COMMD6: variants seen among roughly 807,000 people sequenced by gnomAD.
COMMD6 encodes the protein COMM domain containing 6, also known as COMM domain-containing protein 6.
COMMD6 carries 11 observed loss-of-function variants against 13.4 expected under a neutral mutation model. The ratio of observed to expected loss-of-function variants is 0.82; its 90% CI spans 0.52 to 1.36. The LOEUF (loss-of-function observed/expected upper bound fraction) is 1.36, where lower values mean the gene tolerates loss of function less well. COMMD6 is among the 40% of genes most tolerant of loss of function. The pLI is 0.00. For missense variants in COMMD6, 124 were observed against 102.4 expected (o/e 1.21, Z -0.91); for synonymous variants, 43 against 36.5 (o/e 1.18, Z -0.64).
chr13:75,546,333 T>C (rs1021179916), intron 1 of COMMD6, among the ~76,000 whole-genome samples: 80 of 152,176 alleles, frequency 5.3e-4, no homozygotes, highest in African/African-American at 1.8e-3. Context: ...AGTAACCAAA[T>C]AATTTACAAT....
At chr13:75,532,513 C>T (rs1047407343) in intron 2 of COMMD6, among the ~76,000 whole-genome samples, 3 of 152,146 alleles carry the variant, frequency 2.0e-5, no homozygotes, top group African/African-American at 7.2e-5. Context: ...TGAAAAGAGT[C>T]GAAATTTGGT....
upstream of COMMD6, among the ~76,000 whole-genome samples, chr13:75,543,104 C>T (rs9543971): frequency 0.5 from 76,507 of 152,052 alleles, 20,485 homozygotes; most frequent in East Asian, 0.65. Flanking sequence ...TACATGTTCT[C>T]ACTTATAAGT....
At chr13:75,546,863 G>A in intron 1 of COMMD6, among the ~76,000 whole-genome samples, 1 of 152,174 alleles carries the variant, frequency 6.6e-6, no homozygotes, top group East Asian at 1.9e-4. Flanking sequence ...AAGTTGCCGT[G>A]AACACTGAAT....
At chr13:75,530,524 C>T (rs781026905) in intron 2 of COMMD6, 179 of 267,088 alleles carry the variant, frequency 6.7e-4, no homozygotes, top group Non-Finnish European at 1.1e-3. Flanking sequence ...AAAAATCTCC[C>T]CTCCAATGTA....
rs1352997289 is a variant in COMMD6 at position 75,526,205 on chromosome 13, A to T, written c.*384T>A. ...AATACTACTTTTCTAATTTATATAT[A>T]TTTTTATATACATGACTCCAAATAA... On this transcript the variant is annotated 3_prime_UTR_variant, in exon 4 of 4. Transcript: ENST00000682242. 1 of 155,106 alleles carries T rather than the reference A, an allele frequency of 6.4e-6. No homozygotes were observed. The highest frequency in any genetic ancestry group is 2.4e-5 in the African/African-American group (1 of 41,562). The allele number at this position is 155,106 out of a possible 1,614,324, so 9.6% of individuals were successfully genotyped here.
At chr13:75,536,466 G>A (rs1370426766) in intron 2 of COMMD6, among the ~76,000 whole-genome samples, 1 of 152,210 alleles carries the variant, frequency 6.6e-6, no homozygotes, top group African/African-American at 2.4e-5. Context: ...TGGTAGATGT[G>A]ACAAAATTAA....
At chr13:75,535,125 T>A (rs375747095) in intron 2 of COMMD6, among the ~76,000 whole-genome samples, 136 of 149,084 alleles carry the variant, frequency 9.1e-4, no homozygotes, top group African/African-American at 3.1e-3. Context: ...GAGACTCGAA[T>A]AAAATGAAGA....
chr13:75,531,908 C>T (rs575237775), intron 2 of COMMD6, among the ~76,000 whole-genome samples: 10 of 152,108 alleles, frequency 6.6e-5, no homozygotes, highest in Non-Finnish European at 1.2e-4. Context: ...TGAAAATGTC[C>T]CCAGCAGCTT....
At chr13:75,539,068 C>T (rs969525729), upstream of COMMD6, among the ~76,000 whole-genome samples, 1 of 152,150 alleles carries the variant, frequency 6.6e-6, no homozygotes, top group Non-Finnish European at 1.5e-5. Context: ...AAGGGCAGGT[C>T]AAGTCCTCCT....
upstream of COMMD6, chr13:75,537,876 C>T: frequency 6.7e-7 from 1 of 1,487,126 alleles, no homozygotes; most frequent in South Asian, 1.3e-5. Flanking sequence ...CTTCCACGTC[C>T]TGCCCCTAGC....
chr13:75,536,543 A>G (rs56084319), intron 2 of COMMD6, among the ~76,000 whole-genome samples: 16,333 of 152,178 alleles, frequency 0.11, 1,105 homozygotes, highest in East Asian at 0.26. Context: ...AAGGGTCCTT[A>G]TAAGAGGGAG....
Position 75,526,636 on chromosome 13 carries a change from A to C in COMMD6, c.211T>G (p.Phe71Val). The change falls in exon 4 of 4, where the codon TTC becomes GTC. Residue 71 changes from phenylalanine to valine, a missense_variant. Coordinates refer to ENST00000682242, the MANE Select transcript of COMMD6 (RefSeq NM_203495.4). ...FEMTIPQFQN[F>V]YRQFKEIAAV... Reference sequence around the variant, plus strand: ...GCAATTTCCTTGAACTGTCTGTAGAAATTCTGGAGAGAAAGGGGGAAAATA... The same window carrying C: ...GCAATTTCCTTGAACTGTCTGTAGACATTCTGGAGAGAAAGGGGGAAAATA... 6.2e-7 allele frequency: 1 copy of C among 1,600,854 alleles called. No individual in the cohort carries two copies.
At chr13:75,547,044 C>T (rs1157751146) in intron 1 of COMMD6, among the ~76,000 whole-genome samples, 2 of 152,150 alleles carry the variant, frequency 1.3e-5, no homozygotes, top group Admixed American at 6.5e-5. Flanking sequence ...TGAACTACAG[C>T]CAACAGCACT....
At position 75,530,100 on chromosome 13, in the gene COMMD6, G is replaced by A; in HGVS notation, c.207+14C>T. ...GAAAAGCTGAGCTAAAACTGGATGA[G>A]TTAAATCACAAACCTGAAACTGTGG... On this transcript the variant is annotated intron_variant, in intron 3 of 3. Coordinates refer to ENST00000682242, the MANE Select transcript of COMMD6 (RefSeq NM_203495.4). 6.2e-7 allele frequency: 1 copy of A among 1,603,820 alleles called. No homozygotes were observed. Among genetic ancestry groups the A allele is most frequent in the Non-Finnish European group, 8.5e-7 (1 of 1,173,838 alleles).
In COMMD6 at chr13:75,537,751, G is replaced by C; in HGVS notation, c.42+13C>G. ...AGCCTCGCTGCCCACTCTCCTTCCA[G>C]GTTGGAACTCACATCGGACTTAGCA... is the stretch of plus-strand genomic sequence containing the variant. On this transcript the variant is annotated intron_variant, in intron 1 of 3. Coordinates refer to ENST00000682242, the MANE Select transcript of COMMD6 (RefSeq NM_203495.4). 6.2e-7 allele frequency: 1 copy of C among 1,613,852 alleles called. No individual in the cohort carries two copies. Among genetic ancestry groups the C allele is most frequent in the Non-Finnish European group, 8.5e-7 (1 of 1,179,872 alleles).
intron 1 of COMMD6, among the ~76,000 whole-genome samples, chr13:75,544,614 T>C (rs1036657301): frequency 2.0e-5 from 3 of 151,874 alleles, no homozygotes; most frequent in Non-Finnish European, 2.9e-5. Flanking sequence ...AATACAAAAA[T>C]TAGCCGGGTG....
At chr13:75,541,615 A>G (rs951548910), upstream of COMMD6, among the ~76,000 whole-genome samples, 1 of 152,028 alleles carries the variant, frequency 6.6e-6, no homozygotes, top group Non-Finnish European at 1.5e-5. Flanking sequence ...TGCTGTGTTC[A>G]TAAGGCGTAG....
At chr13:75,528,560 C>A (rs1287823651) in intron 3 of COMMD6, among the ~76,000 whole-genome samples, 1 of 152,092 alleles carries the variant, frequency 6.6e-6, no homozygotes, top group African/African-American at 2.4e-5. Context: ...GTAATTCCAG[C>A]ACTTTGGGAG....
intron 2 of COMMD6, among the ~76,000 whole-genome samples, chr13:75,533,245 TAGAG>T (rs771006841): frequency 4.0e-5 from 6 of 151,704 alleles, no homozygotes; most frequent in African/African-American, 9.7e-5. Context: ...AGTTTTTCAA[TAGAG>T]AGAATGATAT....
Sources: allele counts gnomAD v4.1 joint callset (sites outside exome capture counted in the v4.1 genomes callset), GRCh38; gene constraint gnomAD v4.1.1; transcripts MANE v1.5; gene names NCBI Gene and HGNC (gene_info 2026-07-23, HGNC 2026-07-21).